The following C6orf132 variants were observed in gnomAD, a reference collection of about 807,000 sequenced individuals.
C6orf132 encodes uncharacterized protein C6orf132.
C6orf132 carries 43 observed loss-of-function variants against 65.3 expected under a neutral mutation model. That is an observed-to-expected ratio of 0.66 (90% confidence interval 0.52 to 0.85). C6orf132 has a LOEUF of 0.85. Ranked by LOEUF, C6orf132 falls within the 40% of genes least tolerant of loss-of-function variation. The probability of loss-of-function intolerance (pLI) is 0.00; values close to 1 mark genes in which losing one functional copy is unlikely to be tolerated. For synonymous variants in C6orf132, 631 were observed against 654.1 expected, an observed-to-expected ratio of 0.96 and a Z score of 0.54; for missense variants, 1,488 against 1,548.8, an observed-to-expected ratio of 0.96 and a Z score of 0.66.
chr6:42,118,217 G>A (rs995895606), intron 2 of C6orf132, among the ~76,000 whole-genome samples: 3 of 152,172 alleles, frequency 2.0e-5, no homozygotes, highest in Admixed American at 1.3e-4. Flanking sequence ...GTATTGCCTC[G>A]AGGTTGTCCT....
At chr6:42,111,074 C>T (rs996235512) in intron 2 of C6orf132, among the ~76,000 whole-genome samples, 1 of 151,962 alleles carries the variant, frequency 6.6e-6, no homozygotes, top group African/African-American at 2.4e-5. Flanking sequence ...CCTGTGTGTT[C>T]TTAGTTTTCA....
intron 1 of C6orf132, among the ~76,000 whole-genome samples, chr6:42,134,121 A>G (rs1766901133): frequency 6.6e-6 from 1 of 152,152 alleles, no homozygotes; most frequent in Admixed American, 6.6e-5. Flanking sequence ...AACACCCAGT[A>G]GTCGAACAGC....
In C6orf132 at chr6:42,124,837, G is replaced by A. The variant is rs959557838; in HGVS notation, c.252+3835C>T. Among the ~76,000 whole-genome samples the A allele has an allele frequency of 2.0e-5, 3 of 152,162 alleles. No homozygotes were observed. The highest frequency in any genetic ancestry group is 2.1e-4 in the South Asian group (1 of 4,830). ...AGCTCAGACAGGAGAGAATTAAGCC[G>A]CCAGCCGGATTCCCCTCCACCCGGG... On this transcript the variant is annotated intron_variant, in intron 2 of 4. Coordinates refer to ENST00000341865, the MANE Select transcript of C6orf132 (RefSeq NM_001164446.3). This position sits in a 1 kb window ranked among gnomAD's most constrained non-coding sequence, Gnocchi z 4.0.
chr6:42,102,433 GCCAGGATGGTCTT>G lies in C6orf132; in HGVS notation c.*1315_*1327del, dbSNP rs2127472179. The G allele has an allele frequency of 6.6e-6, 1 of 151,578 alleles. No homozygotes were observed. Among genetic ancestry groups the G allele is most frequent in the East Asian group, 2.0e-4 (1 of 5,104 alleles). 9.4% of individuals were successfully genotyped at this position (151,578 alleles called of 1,614,324 possible). On this transcript the variant is annotated 3_prime_UTR_variant, in exon 5 of 5. Transcript: ENST00000341865. ...GTAGAGACAGGGTTTCGCCATGTAG[GCCAGGATGGTCTT>G]AATCTCTTGACCTCATGATCCACCC...
Position 42,106,024 on chromosome 6 carries a change from A to G in C6orf132, c.1888T>C (p.Ser630Pro). The change falls in exon 4 of 5, where the codon TCA becomes CCA. Residue 630 changes from serine (S) to proline (P), a missense_variant. Physicochemically the swap from Ser to Pro is moderately conservative, Grantham distance 74. Transcript: ENST00000341865. ...PQSTTLLPTT[S>P]LQPKAMLGPA... ...CCCAACATAGCCTTGGGCTGGAGTG[A>G]TGTAGTTGGCAGCAGGGTGGTGGAT... is the stretch of plus-strand genomic sequence containing the variant. The G allele has an allele frequency of 6.5e-7, 1 of 1,536,980 alleles. No individual in the cohort carries two copies. Among genetic ancestry groups the G allele is most frequent in the Non-Finnish European group, 8.7e-7 (1 of 1,146,848 alleles).
Position 42,106,966 on chromosome 6 carries a change from G to T in C6orf132, c.946C>A (p.Pro316Thr). The T allele has an allele frequency of 6.5e-7, 1 of 1,536,358 alleles. No individual in the cohort carries two copies. Among genetic ancestry groups the T allele is most frequent in the African/African-American group, 1.4e-5 (1 of 72,952 alleles). ...GGAGCCTCTTGTGCTTCCTGAACTG[G>T]GATGGACGAAGTCCTGACTGGGGTT... ...PPTPVRTSSI[P>T]VQEAQEAPRK... Residue 316 changes from proline (P) to threonine (T), a missense_variant, in exon 4 of 5, where the codon CCA becomes ACA. Transcript: ENST00000341865.
intron 2 of C6orf132, among the ~76,000 whole-genome samples, chr6:42,117,525 T>C (rs1766601087): frequency 6.6e-6 from 1 of 152,152 alleles, no homozygotes; most frequent in African/African-American, 2.4e-5. Context: ...ACTTGAGGGC[T>C]CGGTGATGGC....
intron 2 of C6orf132, among the ~76,000 whole-genome samples, chr6:42,127,167 C>G (rs144756389): frequency 0.011 from 1,607 of 152,246 alleles, 35 homozygotes; most frequent in African/African-American, 0.036. Context: ...ATTGCCCAGG[C>G]TAGTCTTGAA....
rs527877555 is a variant in C6orf132 at position 42,105,574 on chromosome 6, G to A, written c.2338C>T (p.Arg780Cys). The A allele has an allele frequency of 1.2e-5, 18 of 1,536,726 alleles. No individual in the cohort carries two copies. Among genetic ancestry groups the A allele is most frequent in the East Asian group, 2.4e-5 (1 of 40,914 alleles). Residue 780 changes from arginine (R) to cysteine (C), a missense_variant, in exon 4 of 5, where the codon CGT (arginine) becomes TGT (cysteine). Physicochemically the swap from Arg to Cys is radical, Grantham distance 180 (BLOSUM62 -3). Transcript: ENST00000341865. ...GTGGGCATCACCACAGCAACCTCAC[G>A]GCTGAGGCTGCTCTGGTGGCAGTGG... ...KPHCHQSSLS[R>C]EVAVVMPTLA... is the part of the protein sequence containing the mutation.
chr6:42,115,215 G>A (rs1469971636), intron 2 of C6orf132, among the ~76,000 whole-genome samples: 3 of 145,194 alleles, frequency 2.1e-5, no homozygotes, highest in South Asian at 2.2e-4. Flanking sequence ...ACTTGAACCC[G>A]GGAGGCAGAG....
Position 42,107,270 on chromosome 6 carries a change from G to C in C6orf132, c.642C>G (p.Phe214Leu). 1 of 776,354 alleles carries C rather than the reference G, an allele frequency of 1.3e-6. No individual in the cohort carries two copies. Among genetic ancestry groups the C allele is most frequent in the Non-Finnish European group, 1.8e-6 (1 of 560,326 alleles). The allele number at this position is 776,354 out of a possible 1,614,324, so 48.1% of individuals were successfully genotyped here. ...SSPSIPTPPDFIPPAPPLAFL... is the reference protein window; with the variant it reads ...SSPSIPTPPDLIPPAPPLAFL... ...AGGCCAAGGGTGGGGCAGGGGGAAT[G>C]AAGTCAGGAGGGGTGGGTATGGATG... The change falls in exon 4 of 5, where the codon TTC becomes TTG. Residue 214 changes from phenylalanine (F) to leucine (L), a missense_variant. Coordinates refer to ENST00000341865, the MANE Select transcript of C6orf132 (RefSeq NM_001164446.3).
chr6:42,106,567 TG>T lies in C6orf132; in HGVS notation c.1344del (p.Ser449AlafsTer68), dbSNP rs774701362. The T allele has an allele frequency of 3.3e-6, 5 of 1,503,190 alleles. No individual in the cohort carries two copies. Among genetic ancestry groups the T allele is most frequent in the African/African-American group, 1.4e-5 (1 of 71,952 alleles). The allele number at this position is 1,503,190 out of a possible 1,614,324, so 93.1% of individuals were successfully genotyped here. On this transcript the variant is annotated frameshift_variant, in exon 4 of 5. Coordinates refer to ENST00000341865, the MANE Select transcript of C6orf132 (RefSeq NM_001164446.3). LOFTEE classifies it high-confidence loss of function. ...SPALKPKPNP[P>X]SPENTASSAP... ...GCTGAAGACGCTGTGTTCTCTGGGC[TG>T]GGGGGGTTGGGTTTGGGTTTGAGAG...
intron 1 of C6orf132, among the ~76,000 whole-genome samples, chr6:42,135,338 G>A (rs1293706493): frequency 6.6e-6 from 1 of 152,206 alleles, no homozygotes; most frequent in Non-Finnish European, 1.5e-5. Context: ...ACGCATGGCA[G>A]GGCACGTGGC....
intron 2 of C6orf132, among the ~76,000 whole-genome samples, chr6:42,117,349 C>T (rs1376349085): frequency 6.6e-6 from 1 of 152,166 alleles, no homozygotes; most frequent in Non-Finnish European, 1.5e-5. Context: ...GGGCTAAGTA[C>T]ATTGCCCAAG....
chr6:42,139,871 C>A (rs1033062505), intron 1 of C6orf132, among the ~76,000 whole-genome samples: 14 of 152,180 alleles, frequency 9.2e-5, no homozygotes, highest in African/African-American at 2.2e-4. Context: ...CAGGCAGTTA[C>A]CCTGCAGGCA....
chr6:42,133,726 T>G (rs533318039), intron 1 of C6orf132, among the ~76,000 whole-genome samples: 3 of 149,886 alleles, frequency 2.0e-5, no homozygotes, highest in Non-Finnish European at 3.0e-5. Context: ...TGAACCAAAT[T>G]TCCCCCCAAA....
intron 2 of C6orf132, among the ~76,000 whole-genome samples, chr6:42,116,395 C>T (rs760613394): frequency 2.5e-4 from 38 of 152,110 alleles, no homozygotes; most frequent in Admixed American, 5.9e-4. Context: ...TCTTTTCGGG[C>T]ACCTTGCAAA....
intron 1 of C6orf132, among the ~76,000 whole-genome samples, chr6:42,134,857 T>A (rs151207842): frequency 0.018 from 2,638 of 149,426 alleles, 90 homozygotes; most frequent in African/African-American, 0.061. Context: ...CCAGGCGTGG[T>A]GGTGGGCGCC....
chr6:42,115,734 A>G (rs1766555974), intron 2 of C6orf132, among the ~76,000 whole-genome samples: 1 of 152,158 alleles, frequency 6.6e-6, no homozygotes, highest in Non-Finnish European at 1.5e-5. Context: ...TAAACAAAAC[A>G]GAAGACAAGA....
Sources: gnomAD v4.1 joint callset for allele counts (sites outside exome capture counted in the v4.1 genomes callset) on GRCh38, gnomAD v4.1.1 for gene constraint, Gnocchi (gnomAD v3.1) non-coding constraint, MANE v1.5 for transcripts, NCBI Gene and HGNC (gene_info 2026-07-23, HGNC 2026-07-21) for gene names.